GNB1L: variants seen among roughly 807,000 people sequenced by gnomAD.
The protein encoded by GNB1L is guanine nucleotide-binding protein subunit beta-like protein 1.
A neutral mutation model predicts 29.1 loss-of-function variants in GNB1L; 20 were observed. That is an observed-to-expected ratio of 0.69 (90% CI 0.48 to 1.00). GNB1L has a LOEUF of 1.00. Among genes scored for constraint, GNB1L ranks in the 50% least tolerant of loss-of-function variants. The pLI is 0.00. For synonymous variants in GNB1L, 193 were observed against 206.5 expected, an observed-to-expected ratio of 0.93 and a Z score of 0.56; for missense variants, 421 against 464.9, an observed-to-expected ratio of 0.91 and a Z score of 0.87.
chr22:19,792,186 G>C (rs1474374583), intron 7 of GNB1L: 5 of 588,912 alleles, frequency 8.5e-6, no homozygotes, highest in Non-Finnish European at 1.5e-5. Context: ...GCAGTTAATA[G>C]AAACTGACCC....
chr22:19,833,948 T>C (rs999487258), intron 2 of GNB1L, among the ~76,000 whole-genome samples: 4 of 151,226 alleles, frequency 2.6e-5, no homozygotes, highest in Admixed American at 6.6e-5. Context: ...TTATTCAATA[T>C]AAGATCAGAA....
In GNB1L at chr22:19,849,863, G is replaced by A. The variant is rs750289417; in HGVS notation, c.-21+4580C>T. 9.1e-6 allele frequency: 9 copies of A among 985,400 alleles called. No individual in the cohort carries two copies. The East Asian group carries it at 9.1e-4, about 99-fold the overall frequency. 61.0% of individuals were successfully genotyped at this position (985,400 alleles called of 1,614,324 possible). A position where few individuals can be genotyped will look rare whatever the true frequency, so the allele number is the denominator to read the frequency against. ...GAGTGGGCACACACTGCACACACTG[G>A]GCGGCTGTACCTGCCTATCCTGTGG... is the stretch of plus-strand genomic sequence containing the variant. On this transcript the variant is annotated intron_variant, in intron 2 of 7. Transcript: ENST00000329517.
At chr22:19,836,410 A>G (rs1159015082) in intron 2 of GNB1L, among the ~76,000 whole-genome samples, 1 of 152,216 alleles carries the variant, frequency 6.6e-6, no homozygotes, top group African/African-American at 2.4e-5. Flanking sequence ...AAAAAAATCA[A>G]AATTCCAGCC....
At chr22:19,819,406 C>G (rs1347914859) in intron 4 of GNB1L, among the ~76,000 whole-genome samples, 1 of 152,196 alleles carries the variant, frequency 6.6e-6, no homozygotes, top group Non-Finnish European at 1.5e-5. Flanking sequence ...GAGGCAGAAG[C>G]TCATCTGAGG....
At chr22:19,820,942 C>T (rs1314392018) in intron 3 of GNB1L, among the ~76,000 whole-genome samples, 2 of 152,228 alleles carry the variant, frequency 1.3e-5, no homozygotes, top group African/African-American at 4.8e-5. Context: ...CTAGGGGTAA[C>T]TCAGGCAGAT....
chr22:19,809,566 G>T (rs935401193), intron 5 of GNB1L, among the ~76,000 whole-genome samples: 2 of 152,122 alleles, frequency 1.3e-5, no homozygotes, highest in Non-Finnish European at 2.9e-5. Context: ...AACTAAAAGA[G>T]CACCCTGTAA....
intron 2 of GNB1L, chr22:19,849,747 G>GT (rs1938050959): frequency 1.0e-6 from 1 of 985,208 alleles, no homozygotes; most frequent in African/African-American, 1.7e-5. Context: ...TCACATTTCT[G>GT]CTTTTTCTTC....
At chr22:19,818,282 C>T (rs76332461) in intron 4 of GNB1L, among the ~76,000 whole-genome samples, 79 of 152,380 alleles carry the variant, frequency 5.2e-4, no homozygotes, top group African/African-American at 1.6e-3. Flanking sequence ...AAGGCACCTA[C>T]GCAAGGGACC....
chr22:19,820,993 C>T (rs1416900759), intron 3 of GNB1L, among the ~76,000 whole-genome samples: 2 of 152,340 alleles, frequency 1.3e-5, no homozygotes, highest in East Asian at 3.9e-4. Context: ...CACAGTAATG[C>T]ACGCTGGGTG....
intron 6 of GNB1L, among the ~76,000 whole-genome samples, chr22:19,805,598 T>C (rs1016674815): frequency 5.9e-5 from 9 of 151,900 alleles, no homozygotes; most frequent in Admixed American, 1.3e-4. Context: ...CTGGCTGAGA[T>C]GGTGAAACCC....
intron 2 of GNB1L, among the ~76,000 whole-genome samples, chr22:19,837,759 C>T (rs1937790114): frequency 6.6e-6 from 1 of 152,206 alleles, no homozygotes; most frequent in Non-Finnish European, 1.5e-5. Flanking sequence ...TATATCCACA[C>T]CTGGATATAT....
At chr22:19,813,562 C>G (rs979697675) in intron 4 of GNB1L, among the ~76,000 whole-genome samples, 1 of 152,130 alleles carries the variant, frequency 6.6e-6, no homozygotes, top group South Asian at 2.1e-4. Flanking sequence ...GTGGCACGTG[C>G]CTGTAATCCC....
intron 4 of GNB1L, among the ~76,000 whole-genome samples, chr22:19,818,053 C>T (rs9617840): frequency 1.9e-3 from 297 of 152,352 alleles, no homozygotes; most frequent in African/African-American, 6.9e-3. Flanking sequence ...TGAGCACAGG[C>T]CGGGTGGCGG....
chr22:19,785,083 GGAAATTC>G lies in GNB1L; in HGVS notation c.*3619_*3625del, dbSNP rs1569034632. The G allele has an allele frequency of 6.6e-6, 1 of 152,246 alleles. No individual in the cohort carries two copies. Among genetic ancestry groups the G allele is most frequent in the Non-Finnish European group, 1.5e-5 (1 of 68,078 alleles). 9.4% of individuals were successfully genotyped at this position (152,246 alleles called of 1,614,324 possible). ...ACGTTGTGCCCGTGCCTCGACACAT[GGAAATTC>G]TTCCAATAAGAACAGGATGGTGGGC... is the stretch of plus-strand genomic sequence containing the variant. On this transcript the variant is annotated 3_prime_UTR_variant, in exon 8 of 8. Transcript: ENST00000329517. The surrounding 1 kb of genome is among the most constrained non-coding windows in gnomAD (Gnocchi z 4.1).
At chr22:19,799,881 C>T (rs1053153810) in intron 7 of GNB1L, among the ~76,000 whole-genome samples, 2 of 152,216 alleles carry the variant, frequency 1.3e-5, no homozygotes, top group African/African-American at 4.8e-5. Context: ...CTAGGATCAA[C>T]GTTAAGATGT....
chr22:19,841,705 ATCT>A (rs1937864337), intron 2 of GNB1L, among the ~76,000 whole-genome samples: 1 of 152,158 alleles, frequency 6.6e-6, no homozygotes, highest in African/African-American at 2.4e-5. Flanking sequence ...ATAATTTACT[ATCT>A]TATTTTTGCC....
chr22:19,851,147 T>C (rs1192423734), intron 2 of GNB1L: 18 of 1,569,290 alleles, frequency 1.1e-5, no homozygotes, highest in Non-Finnish European at 1.5e-5. Flanking sequence ...GGGGCAGCAT[T>C]GTTCCCACCT....
At chr22:19,828,035 TA>T (rs1207784673) in intron 2 of GNB1L, among the ~76,000 whole-genome samples, 1 of 152,180 alleles carries the variant, frequency 6.6e-6, no homozygotes, top group African/African-American at 2.4e-5. Context: ...CTCAAAGTCA[TA>T]ATTCTCATCA....
At chr22:19,808,168 G>A (rs1404621077) in intron 5 of GNB1L, among the ~76,000 whole-genome samples, 2 of 152,122 alleles carry the variant, frequency 1.3e-5, no homozygotes, top group African/African-American at 4.8e-5. Context: ...CAGGGCTTCA[G>A]CCCCACTCAG....
Sources: allele counts gnomAD v4.1 joint callset (sites outside exome capture counted in the v4.1 genomes callset), GRCh38; gene constraint gnomAD v4.1.1; non-coding constraint Gnocchi (gnomAD v3.1); transcripts MANE v1.5; gene names NCBI Gene and HGNC (gene_info 2026-07-23, HGNC 2026-07-21).